The following ROR2 variants were observed in gnomAD, a reference collection of about 807,000 sequenced individuals.
ROR2 encodes ROR family WNT receptor 2.
In ROR2, 33 loss-of-function variants were observed where a neutral mutation model predicts 74.9. That is an observed-to-expected ratio of 0.44 (90% CI 0.33 to 0.59). The LOEUF is 0.59. Among genes scored for constraint, ROR2 ranks in the 20% least tolerant of loss-of-function variants. The probability of loss-of-function intolerance (pLI) is 0.02; values close to 1 mark genes in which losing one functional copy is unlikely to be tolerated. For synonymous variants in ROR2, 586 were observed against 558.7 expected, an observed-to-expected ratio of 1.05 and a Z score of -0.69; for missense variants, 1,216 against 1,313.8, an observed-to-expected ratio of 0.93 and a Z score of 1.15.
chr9:91,846,390 T>G (rs1186754053), intron 1 of ROR2, among the ~76,000 whole-genome samples: 1 of 152,106 alleles, frequency 6.6e-6, no homozygotes, highest in Non-Finnish European at 1.5e-5. Flanking sequence ...TTCCACCCCA[T>G]GAGGATGCAG....
intron 1 of ROR2, among the ~76,000 whole-genome samples, chr9:91,937,029 CAAAAA>C (rs540672189): frequency 3.0e-5 from 2 of 65,658 alleles, no homozygotes; most frequent in Admixed American, 1.9e-4. Context: ...GACTCCGTCT[CAAAAA>C]AAAAAAAAAA....
intron 1 of ROR2, among the ~76,000 whole-genome samples, chr9:91,803,282 T>C (rs770250018): frequency 4.6e-5 from 7 of 152,196 alleles, no homozygotes; most frequent in Non-Finnish European, 7.3e-5. Flanking sequence ...CTTGAGGACA[T>C]TATGCTAAAT....
intron 1 of ROR2, among the ~76,000 whole-genome samples, chr9:91,863,316 A>G (rs1480665465): frequency 2.6e-5 from 4 of 152,222 alleles, no homozygotes; most frequent in Non-Finnish European, 1.5e-5. Context: ...ATGAAGGTTA[A>G]GCACAGAGTT....
intron 1 of ROR2, among the ~76,000 whole-genome samples, chr9:91,777,417 C>A (rs1826456778): frequency 6.6e-6 from 1 of 151,712 alleles, no homozygotes; most frequent in Admixed American, 6.6e-5. Flanking sequence ...ACCCCATCAT[C>A]ATCATCATCA....
intron 1 of ROR2, among the ~76,000 whole-genome samples, chr9:91,945,716 T>C (rs144625290): frequency 4.6e-5 from 7 of 152,282 alleles, no homozygotes; most frequent in Admixed American, 1.3e-4. Flanking sequence ...ACCAATAAAA[T>C]TCCCTATTTT....
At chr9:91,930,473 C>T (rs1306091477) in intron 1 of ROR2, among the ~76,000 whole-genome samples, 1 of 152,232 alleles carries the variant, frequency 6.6e-6, no homozygotes, top group East Asian at 1.9e-4. Context: ...GATAAAAACC[C>T]CTTCTCTCCT....
At position 91,822,274 on chromosome 9, in the gene ROR2, G is replaced by A. The variant is rs1303167795; in HGVS notation, c.98-46456C>T. 3.3e-5 allele frequency among the ~76,000 whole-genome samples: 5 copies of A among 152,108 alleles called. No homozygotes were observed. The South Asian group carries it at 1.0e-3, about 32-fold the overall frequency. On this transcript the variant is annotated intron_variant, in intron 1 of 8. Transcript: ENST00000375708. Reference sequence around the variant, plus strand: ...CTGAGCACACCAGCATCCATGCATTGGTGTTTACACACCACCACCAAGGAT... The same window carrying A: ...CTGAGCACACCAGCATCCATGCATTAGTGTTTACACACCACCACCAAGGAT...
At chr9:91,730,014 T>C (rs1460480503) in intron 7 of ROR2, among the ~76,000 whole-genome samples, 1 of 152,236 alleles carries the variant, frequency 6.6e-6, no homozygotes, top group Non-Finnish European at 1.5e-5. Context: ...TGGAGCGTAG[T>C]GGCACCATGA....
At chr9:91,948,905 C>G (rs974912045) in intron 1 of ROR2, 9 of 985,286 alleles carry the variant, frequency 9.1e-6, no homozygotes, top group Non-Finnish European at 1.1e-5. Flanking sequence ...GAGGTGCTCC[C>G]GGAGTCTGCA....
intron 4 of ROR2, among the ~76,000 whole-genome samples, chr9:91,745,188 C>T (rs981235030): frequency 1.3e-4 from 19 of 152,000 alleles, no homozygotes; most frequent in East Asian, 5.8e-4. Flanking sequence ...TGCAGTGGCG[C>T]GATCTCGGCT....
At position 91,909,840 on chromosome 9, in the gene ROR2, TTGTTTTG is replaced by T. The variant is rs1171439185; in HGVS notation, c.97+40020_97+40026del. 6.0e-4 allele frequency among the ~76,000 whole-genome samples: 55 copies of T among 91,214 alleles called. 1 individual carries two copies. The highest frequency in any genetic ancestry group is 2.5e-3 in the African/African-American group (45 of 17,762). The allele number at this position is 91,214 out of a possible 152,430, so 59.8% of individuals were successfully genotyped here. A position where few individuals can be genotyped will look rare whatever the true frequency, so the allele number is the denominator to read the frequency against. On this transcript the variant is annotated intron_variant, in intron 1 of 8. Transcript: ENST00000375708. ...TCTTTATTCTTTTTTTTTTTTAGGT[TTGTTTTG>T]TTTTTTTTTTTTTTTTTTTTTTTTA...
intron 1 of ROR2, among the ~76,000 whole-genome samples, chr9:91,787,191 T>C (rs1466735790): frequency 6.6e-6 from 1 of 152,220 alleles, no homozygotes; most frequent in African/African-American, 2.4e-5. Flanking sequence ...CTGGCTCAGA[T>C]GTGACCCCAC....
At chr9:91,890,325 C>T (rs998178794) in intron 1 of ROR2, among the ~76,000 whole-genome samples, 3 of 152,158 alleles carry the variant, frequency 2.0e-5, no homozygotes, top group African/African-American at 7.2e-5. Context: ...ACGAGTTCCA[C>T]ATAAGGAGGC....
At chr9:91,767,725 G>A (rs1826102833) in intron 2 of ROR2, among the ~76,000 whole-genome samples, 1 of 152,242 alleles carries the variant, frequency 6.6e-6, no homozygotes, top group South Asian at 2.1e-4. Flanking sequence ...GCCAGCTGCA[G>A]AAAACCAGGG....
At chr9:91,818,675 G>A (rs1828027935) in intron 1 of ROR2, among the ~76,000 whole-genome samples, 1 of 152,216 alleles carries the variant, frequency 6.6e-6, no homozygotes, top group African/African-American at 2.4e-5. Context: ...GGCATAGTAA[G>A]CCTAACACTG....
At chr9:91,774,418 A>T (rs1009758141) in intron 2 of ROR2, among the ~76,000 whole-genome samples, 3 of 152,128 alleles carry the variant, frequency 2.0e-5, no homozygotes, top group Non-Finnish European at 4.4e-5. Context: ...TGCCCCCCAA[A>T]CCCATAAGTT....
At chr9:91,859,552 G>A (rs1829405946) in intron 1 of ROR2, among the ~76,000 whole-genome samples, 2 of 152,134 alleles carry the variant, frequency 1.3e-5, no homozygotes, top group African/African-American at 2.4e-5. Context: ...GCCAGGCAGG[G>A]TGGCTCACGC....
chr9:91,757,217 G>A (rs567532399), intron 3 of ROR2, 55 bp downstream of exon 3: 98 of 1,608,352 alleles, frequency 6.1e-5, no homozygotes, highest in South Asian at 5.8e-4. Flanking sequence ...CCTCTTGCTC[G>A]GTGGCTGGGA....
chr9:91,906,765 G>A (rs369170442), intron 1 of ROR2, among the ~76,000 whole-genome samples: 1 of 152,164 alleles, frequency 6.6e-6, no homozygotes, highest in Non-Finnish European at 1.5e-5. Flanking sequence ...GGGAGAACCT[G>A]CTACATAGTT....
Sources: allele counts gnomAD v4.1 joint callset (sites outside exome capture counted in the v4.1 genomes callset), GRCh38; gene constraint gnomAD v4.1.1; transcripts MANE v1.5; gene names NCBI Gene and HGNC (gene_info 2026-07-23, HGNC 2026-07-21).